SERPINF2: variants seen among roughly 807,000 people sequenced by gnomAD.
SERPINF2 encodes alpha-2-antiplasmin.
A neutral mutation model predicts 45.0 loss-of-function variants in SERPINF2; 15 were observed. That is an observed-to-expected ratio of 0.33 (90% CI 0.22 to 0.51). The LOEUF (loss-of-function observed/expected upper bound fraction) is 0.51, where lower values mean the gene tolerates loss of function less well. Ranked by LOEUF, SERPINF2 falls within the 20% of genes least tolerant of loss-of-function variation. SERPINF2 has a pLI of 0.97. For synonymous variants in SERPINF2, 283 were observed against 277.9 expected (o/e 1.02, Z -0.18); for missense variants, 518 against 637.4 (o/e 0.81, Z 2.02).
At chr17:1,747,588 C>A (rs1395433969) in intron 7 of SERPINF2, 76 bp downstream of exon 7, 3 of 1,486,218 alleles carry the variant, frequency 2.0e-6, no homozygotes. Flanking sequence ...TTTTTTGAGA[C>A]AAGTCTCGCT....
intron 5 of SERPINF2, among the ~76,000 whole-genome samples, chr17:1,746,419 C>G (rs893045784): frequency 1.3e-5 from 2 of 149,972 alleles, no homozygotes; most frequent in African/African-American, 4.9e-5. Flanking sequence ...TTTACAAGTC[C>G]TCCTGGTGAT....
At position 1,754,677 on chromosome 17, in the gene SERPINF2, G is replaced by GGT; in HGVS notation, c.*143_*144insGT. The GGT allele has an allele frequency of 8.6e-6, 2 of 233,472 alleles. No individual in the cohort carries two copies. Among genetic ancestry groups the GGT allele is most frequent in the Non-Finnish European group, 1.6e-5 (2 of 125,544 alleles). 14.5% of individuals were successfully genotyped at this position (233,472 alleles called of 1,614,324 possible). ...ATTCTTTCCCAACACCTCTTGGGGA[G>GGT]TTTAGGGTGGGGGGGGGGCGCGGCT... On this transcript the variant is annotated 3_prime_UTR_variant, in exon 10 of 10. Coordinates refer to ENST00000453066, the MANE Select transcript of SERPINF2 (RefSeq NM_000934.4).
intron 8 of SERPINF2, among the ~76,000 whole-genome samples, chr17:1,751,723 C>T (rs1906414808): frequency 7.2e-6 from 1 of 138,112 alleles, no homozygotes; most frequent in Non-Finnish European, 1.6e-5. Context: ...CACTGCACTC[C>T]AGCCTGGGCG....
At chr17:1,744,698 G>A in intron 1 of SERPINF2, 14 of 985,412 alleles carry the variant, frequency 1.4e-5, no homozygotes, top group Non-Finnish European at 1.7e-5. Flanking sequence ...TGTAGAATGA[G>A]AACGTTTTTG....
Position 1,747,343 on chromosome 17 carries a change from C to T in SERPINF2, c.546C>T (p.Ser182=), listed in dbSNP as rs377667967. ...TCAAAGAAGATTTCCTGGAACAATCCGAACAGCTATTTGGGGCAAAGCCCG... is the reference window on the plus strand; with the variant it reads ...TCAAAGAAGATTTCCTGGAACAATCTGAACAGCTATTTGGGGCAAAGCCCG... ...FPIKEDFLEQ[S]EQLFGAKPVS... Residue 182 remains serine (S), a synonymous_variant, in exon 7 of 10, where the codon TCC becomes TCT. Transcript: ENST00000453066. 184 of 1,613,932 alleles carry T rather than the reference C, an allele frequency of 1.1e-4. No individual in the cohort carries two copies. The highest frequency in any genetic ancestry group is 3.3e-4 in the Middle Eastern group (2 of 6,084).
intron 8 of SERPINF2, among the ~76,000 whole-genome samples, chr17:1,749,927 G>A (rs1457530052): frequency 6.6e-6 from 1 of 152,096 alleles, no homozygotes. Context: ...GGATCTGATT[G>A]GATTGGATTT....
At chr17:1,743,115 A>G in intron 1 of SERPINF2, 2 of 800,254 alleles carry the variant, frequency 2.5e-6, no homozygotes, top group Non-Finnish European at 3.0e-6. Flanking sequence ...CTTGTGTGGG[A>G]TGGGGGTGGG....
At chr17:1,751,679 A>G (rs1226801358) in intron 8 of SERPINF2, among the ~76,000 whole-genome samples, 1 of 137,048 alleles carries the variant, frequency 7.3e-6, no homozygotes, top group African/African-American at 2.5e-5. Flanking sequence ...GCGTGAATCC[A>G]CGAGGCGGAG....
At chr17:1,752,046 A>T (rs1395832280) in intron 8 of SERPINF2, among the ~76,000 whole-genome samples, 3 of 137,608 alleles carry the variant, frequency 2.2e-5, no homozygotes, top group Non-Finnish European at 3.3e-5. Flanking sequence ...ACACTGCTAC[A>T]ATGTTGTTTT....
At chr17:1,749,354 G>A (rs1349126088) in intron 8 of SERPINF2, among the ~76,000 whole-genome samples, 1 of 152,196 alleles carries the variant, frequency 6.6e-6, no homozygotes, top group Non-Finnish European at 1.5e-5. Context: ...GAACCCAGGA[G>A]GGAAAGGTTG....
chr17:1,750,021 T>G (rs1479434400), intron 8 of SERPINF2, among the ~76,000 whole-genome samples: 1 of 151,830 alleles, frequency 6.6e-6, no homozygotes, highest in African/African-American at 2.4e-5. Flanking sequence ...TCACCCAGGC[T>G]GGAGTGCAGT....
At chr17:1,746,185 G>C (rs1905810880) in intron 5 of SERPINF2, among the ~76,000 whole-genome samples, 1 of 152,012 alleles carries the variant, frequency 6.6e-6, no homozygotes, top group Non-Finnish European at 1.5e-5. Flanking sequence ...GTGCGTGGTG[G>C]TGCGCACCTG....
chr17:1,743,279 A>G (rs892121655), intron 1 of SERPINF2, among the ~76,000 whole-genome samples: 1 of 152,254 alleles, frequency 6.6e-6, no homozygotes, highest in Non-Finnish European at 1.5e-5. Flanking sequence ...TCCTAAGTGC[A>G]GAGGTGGCTC....
intron 7 of SERPINF2, among the ~76,000 whole-genome samples, chr17:1,748,325 G>GA (rs1303905036): frequency 6.6e-6 from 1 of 151,908 alleles, no homozygotes; most frequent in Non-Finnish European, 1.5e-5. Flanking sequence ...AAAGATCCAG[G>GA]AGGAGGTTCC....
rs1430525861 is a variant in SERPINF2 at position 1,747,329 on chromosome 17, T to A, written c.532T>A (p.Phe178Ile). Residue 178 changes from phenylalanine to isoleucine, a missense_variant, in exon 7 of 10, where the codon TTC (phenylalanine) becomes ATC (isoleucine). By Grantham distance (21) the Phe-to-Ile change is conservative. Around this residue, in one of 2 missense-constraint regions of SERPINF2, gnomAD observed 435 missense variants for 577.3 expected, o/e 0.75. Transcript: ENST00000453066. Reference protein sequence around the residue: ...LQKGFPIKEDFLEQSEQLFGA... With the variant: ...LQKGFPIKEDILEQSEQLFGA... ...TGCAGGATTTCCCATCAAAGAAGAT[T>A]TCCTGGAACAATCCGAACAGCTATT... 1 of 1,613,992 alleles carries A rather than the reference T, an allele frequency of 6.2e-7. No individual in the cohort carries two copies. Among genetic ancestry groups the A allele is most frequent in the Non-Finnish European group, 8.5e-7 (1 of 1,180,030 alleles).
intron 8 of SERPINF2, 71 bp from the exon 9 acceptor site, chr17:1,752,515 A>G: frequency 7.1e-7 from 1 of 1,402,606 alleles, no homozygotes. Context: ...CCTTAGGAGC[A>G]CCTGCTGGCC....
Position 1,747,050 on chromosome 17 carries a change from A to G in SERPINF2, c.399A>G (p.Gln133=), listed in dbSNP as rs1905893863. 1.9e-6 allele frequency: 3 copies of G among 1,607,764 alleles called. No homozygotes were observed. Among genetic ancestry groups the G allele is most frequent in the Non-Finnish European group, 2.5e-6 (3 of 1,179,884 alleles). The change falls in exon 6 of 10, where the codon CAA becomes CAG. Residue 133 remains glutamine (Q), a synonymous_variant. Coordinates refer to ENST00000453066, the MANE Select transcript of SERPINF2 (RefSeq NM_000934.4). ...GAQNHTLQRL[Q]QVLHAGSGPC... is the part of the protein sequence containing the mutation. ...AGAACCACACGTTGCAGAGGCTGCA[A>G]CAGGTGCTGCACGCAGGCTCAGGGC...
chr17:1,744,741 C>T (rs1905636789), intron 1 of SERPINF2: 1 of 985,242 alleles, frequency 1.0e-6, no homozygotes, highest in African/African-American at 1.7e-5. Flanking sequence ...ACCAAAACAC[C>T]CTCAGTGCAT....
chr17:1,748,657 G>C lies in SERPINF2; in HGVS notation c.775G>C (p.Glu259Gln). 1 of 1,613,728 alleles carries C rather than the reference G, an allele frequency of 6.2e-7. No individual in the cohort carries two copies. Among genetic ancestry groups the C allele is most frequent in the Non-Finnish European group, 8.5e-7 (1 of 1,179,692 alleles). Residue 259 changes from glutamate to glutamine, a missense_variant, in exon 8 of 10, where the codon GAG (glutamate) becomes CAG (glutamine). Glu to Gln is a conservative substitution (Grantham distance 29, BLOSUM62 2). Around this residue, in one of 2 missense-constraint regions of SERPINF2, gnomAD observed 435 missense variants for 577.3 expected, o/e 0.75. Transcript: ENST00000453066. The stretch of plus-strand genomic sequence containing the variant: ...CCAGAGAGACTCCTTCCACCTGGAC[G>C]AGCAGTTCACGGTGCCCGTGGAAAT... ...LTQRDSFHLD[E>Q]QFTVPVEMMQ... is the part of the protein sequence containing the mutation.
Sources: allele counts gnomAD v4.1 joint callset (sites outside exome capture counted in the v4.1 genomes callset), GRCh38; gene constraint gnomAD v4.1.1; regional missense constraint gnomAD v4.1.1; transcripts MANE v1.5; gene names NCBI Gene and HGNC (gene_info 2026-07-23, HGNC 2026-07-21).